The following NSG2 variants were observed in gnomAD, a reference collection of about 807,000 sequenced individuals.
NSG2 encodes the protein neuronal vesicle trafficking-associated protein 2.
In NSG2, 4 loss-of-function variants were observed where a neutral mutation model predicts 16.9. The observed-to-expected ratio is 0.24, with a 90% CI of 0.12 to 0.54. The LOEUF (loss-of-function observed/expected upper bound fraction) is 0.54, where lower values mean the gene tolerates loss of function less well. NSG2 is among the 20% of genes least tolerant of loss of function. The probability of loss-of-function intolerance (pLI) is 0.95; values close to 1 mark genes in which losing one functional copy is unlikely to be tolerated. For synonymous variants in NSG2, 98 were observed against 88.7 expected (o/e 1.11, Z -0.59); for missense variants, 179 against 221.1 (o/e 0.81, Z 1.21).
rs912354593 is a variant in NSG2, at chr5:174,072,924, G to T, written c.213+8609G>T. 1.4e-4 allele frequency among the ~76,000 whole-genome samples: 22 copies of T among 152,200 alleles called. No individual in the cohort carries two copies. The highest frequency in any genetic ancestry group is 5.1e-4 in the African/African-American group (21 of 41,452). On this transcript the variant is annotated intron_variant, in intron 3 of 4. Transcript: ENST00000303177. The surrounding 1 kb of genome is among the most constrained non-coding windows in gnomAD (Gnocchi z 4.0). ...CATCTGAGCCTGGGAGGTTGAGGCT[G>T]CAGTGAGCCGGATTGTGCCACTGCA...
At chr5:174,057,731 A>G (rs1371301962) in intron 2 of NSG2, among the ~76,000 whole-genome samples, 1 of 152,140 alleles carries the variant, frequency 6.6e-6, no homozygotes, top group African/African-American at 2.4e-5. Context: ...GTGCCTCTCT[A>G]GCTTCCTCCC....
chr5:174,069,727 C>T (rs1043106933), intron 3 of NSG2, among the ~76,000 whole-genome samples: 8 of 152,070 alleles, frequency 5.3e-5, no homozygotes, highest in African/African-American at 1.7e-4. Flanking sequence ...CCTCTCTTTG[C>T]AGGCTTTTCT....
chr5:174,085,136 C>G (rs1259443698), intron 3 of NSG2, among the ~76,000 whole-genome samples: 1 of 152,184 alleles, frequency 6.6e-6, no homozygotes, highest in East Asian at 1.9e-4. Flanking sequence ...ATGGTTGGCT[C>G]TGTTGGTGAC....
At chr5:174,066,348 G>T (rs1760139562) in intron 3 of NSG2, 2 of 433,132 alleles carry the variant, frequency 4.6e-6, no homozygotes, top group Admixed American at 4.9e-5. Flanking sequence ...AGGCCACGGG[G>T]TCAAATTTAC....
intron 2 of NSG2, among the ~76,000 whole-genome samples, chr5:174,052,877 C>A (rs1759914557): frequency 1.3e-5 from 2 of 152,198 alleles, no homozygotes; most frequent in Admixed American, 1.3e-4. Flanking sequence ...GGCAGAGCCA[C>A]AGGGGAACCA....
intron 2 of NSG2, among the ~76,000 whole-genome samples, chr5:174,054,137 C>T (rs939694091): frequency 6.6e-5 from 10 of 152,234 alleles, no homozygotes; most frequent in African/African-American, 2.4e-4. Flanking sequence ...AAAGCTATAA[C>T]AGACACACTG....
chr5:174,064,252 G>A lies in NSG2; in HGVS notation c.150G>A (p.Thr50=), dbSNP rs774028880. The A allele has an allele frequency of 6.8e-6, 11 of 1,610,384 alleles. No homozygotes were observed. Among genetic ancestry groups the A allele is most frequent in the South Asian group, 4.4e-5 (4 of 90,334 alleles). The change falls in exon 3 of 5, where the codon ACG becomes ACA. Residue 50 remains threonine, a synonymous_variant. Coordinates refer to ENST00000303177, the MANE Select transcript of NSG2 (RefSeq NM_015980.5). ...TTCAGGTGATTGTGAAGACAAGAAC[G>A]GAATATCAGCCGGAACAGAAGAACA... ...APEKVIVKTR[T]EYQPEQKNKG...
At position 174,107,751 on chromosome 5, in the gene NSG2, C is replaced by T. The variant is rs1167376992; in HGVS notation, c.*246C>T. 9 of 674,570 alleles carry T rather than the reference C, an allele frequency of 1.3e-5. No homozygotes were observed. The highest frequency in any genetic ancestry group is 8.5e-5 in the East Asian group (3 of 35,112). The allele number at this position is 674,570 out of a possible 1,614,324, so 41.8% of individuals were successfully genotyped here. On this transcript the variant is annotated 3_prime_UTR_variant, in exon 5 of 5. Transcript: ENST00000303177. The surrounding 1 kb of genome is among the most constrained non-coding windows in gnomAD (Gnocchi z 4.5). ...CAGGCTCATGTACAAAGGCATGTTT[C>T]GTGTTGATTGTTCCCATGTAAGATA...
intron 3 of NSG2, among the ~76,000 whole-genome samples, chr5:174,071,832 G>T (rs943501298): frequency 6.6e-6 from 1 of 152,224 alleles, no homozygotes; most frequent in Non-Finnish European, 1.5e-5. Context: ...CAGGGTCAGG[G>T]AAGGTTGCTC....
intron 3 of NSG2, among the ~76,000 whole-genome samples, chr5:174,080,986 GT>G (rs147855518): frequency 6.8e-4 from 100 of 146,662 alleles, no homozygotes; most frequent in Admixed American, 1.5e-3. Flanking sequence ...TATTTTACCT[GT>G]TTTTTTTTTG....
intron 3 of NSG2, among the ~76,000 whole-genome samples, chr5:174,097,580 TCTGTGTGTGTGTAA>T (rs1483611420): frequency 3.4e-5 from 5 of 145,662 alleles, no homozygotes; most frequent in Admixed American, 3.4e-4. Context: ...TGTGTGTGTG[TCTGTGTGTGTGTAA>T]CTGTGTGTGT....
chr5:174,068,419 A>T (rs1760178960), intron 3 of NSG2, among the ~76,000 whole-genome samples: 2 of 152,246 alleles, frequency 1.3e-5, no homozygotes, highest in African/African-American at 2.4e-5. Context: ...ATGCAGAGAA[A>T]AAAACCCTCC....
intron 3 of NSG2, among the ~76,000 whole-genome samples, chr5:174,099,280 A>T (rs1760861952): frequency 6.6e-6 from 1 of 152,152 alleles, no homozygotes; most frequent in African/African-American, 2.4e-5. Context: ...CATCATCCAG[A>T]ATCCAGAAAG....
chr5:174,089,051 A>G (rs1044900925), intron 3 of NSG2, among the ~76,000 whole-genome samples: 1 of 152,330 alleles, frequency 6.6e-6, no homozygotes, highest in South Asian at 2.1e-4. Context: ...GGAATCAGCC[A>G]TGACCCCCAT....
In NSG2 at chr5:174,091,630, C is replaced by G. The variant is rs1157544288; in HGVS notation, c.214-12598C>G. Among the ~76,000 whole-genome samples, 13 of 147,478 alleles carry G rather than the reference C, an allele frequency of 8.8e-5. No homozygotes were observed. In the Admixed American group the frequency reaches 8.9e-4, roughly 10 times the overall value. ...CCAGTAGCAGACAGCCTAGAACTTT[C>G]AGGAACTAGGACTGGTGTGTGTGTG... On this transcript the variant is annotated intron_variant, in intron 3 of 4. Coordinates refer to ENST00000303177, the MANE Select transcript of NSG2 (RefSeq NM_015980.5).
At chr5:174,063,076 G>T (rs1760078538) in intron 2 of NSG2, among the ~76,000 whole-genome samples, 1 of 152,144 alleles carries the variant, frequency 6.6e-6, no homozygotes, top group Non-Finnish European at 1.5e-5. Context: ...CATATGAAGT[G>T]CTTGATCTAG....
chr5:174,065,874 C>T (rs978808667), intron 3 of NSG2, among the ~76,000 whole-genome samples: 2 of 152,180 alleles, frequency 1.3e-5, no homozygotes, highest in Non-Finnish European at 2.9e-5. Context: ...GTTGCTATGA[C>T]GATGAAGTAC....
At chr5:174,051,488 T>G (rs1759888940) in intron 2 of NSG2, among the ~76,000 whole-genome samples, 1 of 152,178 alleles carries the variant, frequency 6.6e-6, no homozygotes, top group African/African-American at 2.4e-5. Flanking sequence ...CACTGATAAG[T>G]ATAGCTGTAG....
At chr5:174,052,208 G>T (rs1048033153) in intron 2 of NSG2, among the ~76,000 whole-genome samples, 1 of 152,128 alleles carries the variant, frequency 6.6e-6, no homozygotes, top group Admixed American at 6.5e-5. Context: ...AAGCACCCCC[G>T]ATATGGGAGT....
Sources: gnomAD v4.1 joint callset for allele counts (sites outside exome capture counted in the v4.1 genomes callset) on GRCh38, gnomAD v4.1.1 for gene constraint, Gnocchi (gnomAD v3.1) non-coding constraint, MANE v1.5 for transcripts, NCBI Gene and HGNC (gene_info 2026-07-23, HGNC 2026-07-21) for gene names.